QARS1: variants seen among roughly 807,000 people sequenced by gnomAD.
QARS1 encodes glutamine--tRNA ligase.
QARS1 carries 79 observed loss-of-function variants against 106.9 expected under a neutral mutation model. The observed-to-expected ratio is 0.74, with a 90% CI of 0.62 to 0.89. QARS1 has a LOEUF of 0.89. Among genes scored for constraint, QARS1 ranks in the 40% least tolerant of loss-of-function variants. The pLI is 0.00. For synonymous variants in QARS1, 395 were observed against 367.7 expected, an observed-to-expected ratio of 1.07 and a Z score of -0.85; for missense variants, 966 against 997.2, an observed-to-expected ratio of 0.97 and a Z score of 0.42.
intron 23 of QARS1, chr3:49,097,389 TCCTGACCTCTGGTGGTAAGC>T (rs2042406301): frequency 6.6e-6 from 1 of 151,764 alleles, no homozygotes; most frequent in Non-Finnish European, 1.5e-5. Context: ...GGTCTCGAAC[TCCTGACCTCTGGTGGTAAGC>T]CCTGACCTCT....
At chr3:49,103,515 C>T in intron 4 of QARS1, 106 bp from the exon 5 acceptor site, 1 of 1,564,656 alleles carries the variant, frequency 6.4e-7, no homozygotes. Context: ...GAGCCTGAGC[C>T]CAGCCAGACC....
At position 49,098,992 on chromosome 3, in the gene QARS1, A is replaced by G. The variant is rs113543185; in HGVS notation, c.1759-3T>C. ...TTGGGCACCTGGATGTCCAAGGACT[A>G]TAGCAGGAGACAGGAGACAGGTATG... On this transcript the variant is annotated splice_region_variant and splice_polypyrimidine_tract_variant and intron_variant, in intron 18 of 23. Coordinates refer to ENST00000306125, the MANE Select transcript of QARS1 (RefSeq NM_005051.3). 4 of 1,613,486 alleles carry G rather than the reference A, an allele frequency of 2.5e-6. No homozygotes were observed. The highest frequency in any genetic ancestry group is 2.2e-5 in the South Asian group (2 of 91,068).
Position 49,099,269 on chromosome 3 carries a change from A to G in QARS1, c.1615-16T>C. The G allele has an allele frequency of 6.2e-7, 1 of 1,614,156 alleles. No individual in the cohort carries two copies. The highest frequency in any genetic ancestry group is 8.5e-7 in the Non-Finnish European group (1 of 1,180,004). ...TCACTCCCACCTGGCAGGAAAGTTC[A>G]GCATCAGTCACAGCTACAATCACAA... On this transcript the variant is annotated splice_polypyrimidine_tract_variant and intron_variant, in intron 17 of 23. Transcript: ENST00000306125.
chr3:49,102,395 A>C (rs767725396), intron 6 of QARS1, 24 bp downstream of exon 6: 1 of 1,613,888 alleles, frequency 6.2e-7, no homozygotes, highest in South Asian at 1.1e-5. Flanking sequence ...ACCCTCAGGG[A>C]CTCAGGGCCA....
chr3:49,096,748 C>T (rs1313475993), intron 23 of QARS1, among the ~76,000 whole-genome samples: 1 of 130,534 alleles, frequency 7.7e-6, no homozygotes, highest in South Asian at 2.6e-4. Flanking sequence ...TGCAGTGAGC[C>T]GAGATTGTGC....
Position 49,099,652 on chromosome 3 carries a change from G to A in QARS1, c.1389-5C>T. The A allele has an allele frequency of 6.2e-7, 1 of 1,612,842 alleles. No homozygotes were observed. Among genetic ancestry groups the A allele is most frequent in the Non-Finnish European group, 8.5e-7 (1 of 1,179,608 alleles). On this transcript the variant is annotated splice_region_variant and splice_polypyrimidine_tract_variant and intron_variant, in intron 15 of 23. Transcript: ENST00000306125. ...AGCCAGAAGTAGGAAGAGCGTCTGGGGTGGGAGAGTAGGGTTAGCACTGGC... is the reference window on the plus strand; with the variant it reads ...AGCCAGAAGTAGGAAGAGCGTCTGGAGTGGGAGAGTAGGGTTAGCACTGGC...
rs1314599217 is a variant in QARS1 at position 49,104,474 on chromosome 3, G to A, written c.118-3C>T. 8 of 1,613,952 alleles carry A rather than the reference G, an allele frequency of 5.0e-6. No homozygotes were observed. Among genetic ancestry groups the A allele is most frequent in the Non-Finnish European group, 6.8e-6 (8 of 1,180,004 alleles). On this transcript the variant is annotated splice_region_variant and splice_polypyrimidine_tract_variant and intron_variant, in intron 1 of 23. Coordinates refer to ENST00000306125, the MANE Select transcript of QARS1 (RefSeq NM_005051.3). ...GTGGAACCCAGGGTCTGCTGAGCCT[G>A]AGGTCAGAGGGGTCAAGAGAGAAGC... is the stretch of plus-strand genomic sequence containing the variant.
At position 49,104,724 on chromosome 3, in the gene QARS1, G is replaced by A. The variant is rs768505058; in HGVS notation, c.10C>T (p.Leu4=). The A allele has an allele frequency of 3.7e-6, 6 of 1,612,664 alleles. No homozygotes were observed. Among genetic ancestry groups the A allele is most frequent in the South Asian group, 1.1e-5 (1 of 91,086 alleles). Residue 4 remains leucine, a synonymous_variant, in exon 1 of 24, where the codon CTA becomes TTA. Coordinates refer to ENST00000306125, the MANE Select transcript of QARS1 (RefSeq NM_005051.3). ...CTAGTGAAGAGCGACAGGGAGTCTA[G>A]AGCCGCCATTGCAGAGACACCGGAA... MAA[L]DSLSLFTSLG... is the part of the protein sequence containing the mutation.
chr3:49,096,668 C>G (rs2042395153), intron 23 of QARS1, among the ~76,000 whole-genome samples: 1 of 151,594 alleles, frequency 6.6e-6, no homozygotes, highest in African/African-American at 2.4e-5. Context: ...GGAGTGGTGG[C>G]GGGCGCCTGT....
At chr3:49,103,738 A>G (rs1261874777) in intron 3 of QARS1, 32 bp from the exon 4 acceptor site, 1 of 1,610,826 alleles carries the variant, frequency 6.2e-7, no homozygotes, top group Non-Finnish European at 8.5e-7. Context: ...GGTTCAGGAA[A>G]GCCACCTTTA....
At chr3:49,102,589 A>C in intron 5 of QARS1, 117 bp from the exon 6 acceptor site, 1 of 1,104,798 alleles carries the variant, frequency 9.1e-7, no homozygotes, top group East Asian at 2.5e-5. Flanking sequence ...GACTGAAAAA[A>C]CCTACCTAGC....
intron 15 of QARS1, 40 bp downstream of exon 15, chr3:49,099,721 T>C (rs1294356938): frequency 6.2e-7 from 1 of 1,613,424 alleles, no homozygotes; most frequent in Non-Finnish European, 8.5e-7. Context: ...GCTGCTGGAA[T>C]TCCACTGGCC....
rs1171144048 is a variant in QARS1, at chr3:49,098,820, A to G, written c.1863+65T>C. On this transcript the variant is annotated intron_variant, in intron 19 of 23. Coordinates refer to ENST00000306125, the MANE Select transcript of QARS1 (RefSeq NM_005051.3). The stretch of plus-strand genomic sequence containing the variant: ...GGAAGTAGATGGACTGACAGAGATG[A>G]GGAGATGAAAGGTTCCCAGTACCAG... 2.7e-6 allele frequency: 4 copies of G among 1,503,124 alleles called. No individual in the cohort carries two copies. In the African/African-American group the frequency reaches 5.5e-5, roughly 21 times the overall value. 93.1% of individuals were successfully genotyped at this position (1,503,124 alleles called of 1,614,324 possible). A position where few individuals can be genotyped will look rare whatever the true frequency, so the allele number is the denominator to read the frequency against.
intron 23 of QARS1, among the ~76,000 whole-genome samples, 161 bp from the exon 24 acceptor site, chr3:49,096,240 TG>T (rs1205680305): frequency 1.3e-5 from 2 of 152,152 alleles, no homozygotes; most frequent in African/African-American, 4.8e-5. Context: ...TTTGTGACTT[TG>T]GGTAAGGGAC....
chr3:49,102,021 C>A (rs1484106876), intron 7 of QARS1, 122 bp from the exon 8 acceptor site: 6 of 1,294,842 alleles, frequency 4.6e-6, no homozygotes, highest in East Asian at 4.6e-5. Flanking sequence ...TAGAGCCAGA[C>A]ATCTGAGGCC....
intron 10 of QARS1, among the ~76,000 whole-genome samples, chr3:49,101,001 C>T (rs540829385): frequency 3.3e-5 from 5 of 152,298 alleles, no homozygotes; most frequent in East Asian, 1.9e-4. Flanking sequence ...TTTAGCCTCC[C>T]GAAGTGTTGA....
At chr3:49,096,213 C>A in intron 23 of QARS1, 134 bp from the exon 24 acceptor site, 1 of 823,972 alleles carries the variant, frequency 1.2e-6, no homozygotes, top group Non-Finnish European at 1.9e-6. Flanking sequence ...GGTCAGGAGG[C>A]CCGGGTCCTC....
chr3:49,102,253 G>T lies in QARS1; in HGVS notation c.583C>A (p.Arg195=). 6.2e-7 allele frequency: 1 copy of T among 1,614,198 alleles called. No homozygotes were observed. The highest frequency in any genetic ancestry group is 8.5e-7 in the Non-Finnish European group (1 of 1,180,044). Residue 195 remains arginine, a synonymous_variant, in exon 7 of 24, where the codon CGG becomes AGG. Transcript: ENST00000306125. ...GTCCTCCGGTCTGTTTCTTCTAGCC[G>T]AGCTTTTGCCACCTGAAAGAAGCCC... is the stretch of plus-strand genomic sequence containing the variant. ...LEKKFKVAKA[R]LEETDRRTAK...
chr3:49,101,438 G>T lies in QARS1; in HGVS notation c.793C>A (p.Arg265Ser), dbSNP rs1559968699. ...QHLEITGGQVRTRFPPEPNGI... is the reference protein window; with the variant it reads ...QHLEITGGQVSTRFPPEPNGI... ...TTGGGTTCTGGCGGGAACCGGGTACGTACCTAAAATAAGGGGGATGGGAAA... is the reference window on the plus strand; with the variant it reads ...TTGGGTTCTGGCGGGAACCGGGTACTTACCTAAAATAAGGGGGATGGGAAA... Residue 265 changes from arginine (R) to serine (S), a missense_variant, in exon 10 of 24, where the codon CGT becomes AGT. By Grantham distance (110) the Arg-to-Ser change is moderately radical. Transcript: ENST00000306125. 1 of 1,612,022 alleles carries T rather than the reference G, an allele frequency of 6.2e-7. No individual in the cohort carries two copies.
Sources: gnomAD v4.1 joint callset for allele counts (sites outside exome capture counted in the v4.1 genomes callset) on GRCh38, gnomAD v4.1.1 for gene constraint, MANE v1.5 for transcripts, NCBI Gene and HGNC (gene_info 2026-07-23, HGNC 2026-07-21) for gene names.